Variants in TNRC6C observed in about 807,000 individuals in gnomAD.
TNRC6C encodes trinucleotide repeat-containing gene 6C protein.
TNRC6C carries 20 observed loss-of-function variants against 153.7 expected under a neutral mutation model. That is an observed-to-expected ratio of 0.13 (90% CI 0.09 to 0.19). The LOEUF is 0.19. TNRC6C is among the 10% of genes least tolerant of loss of function. The pLI is 1.00. For missense variants in TNRC6C, 1,987 were observed against 2,172.0 expected, an observed-to-expected ratio of 0.91 and a Z score of 1.69; for synonymous variants, 811 against 841.4, an observed-to-expected ratio of 0.96 and a Z score of 0.63.
intron 3 of TNRC6C, among the ~76,000 whole-genome samples, chr17:78,061,457 A>G (rs954435772): frequency 1.2e-4 from 19 of 152,298 alleles, no homozygotes; most frequent in African/African-American, 4.6e-4. Flanking sequence ...GTCAGATGGT[A>G]CATCCTAGTG....
At chr17:77,958,640 C>A (rs1285851927), upstream of TNRC6C, among the ~76,000 whole-genome samples, 1 of 147,916 alleles carries the variant, frequency 6.8e-6, no homozygotes, top group Non-Finnish European at 1.5e-5. Context: ...GAGGCCAACG[C>A]GGGGCGGGGA....
chr17:78,094,683 G>T (rs151133458), intron 16 of TNRC6C, among the ~76,000 whole-genome samples: 1 of 152,102 alleles, frequency 6.6e-6, no homozygotes, highest in African/African-American at 2.4e-5. Context: ...CAAGTGATCC[G>T]CCTGCTTTGG....
At chr17:78,078,544 C>T (rs1343755218) in intron 9 of TNRC6C, among the ~76,000 whole-genome samples, 2 of 152,172 alleles carry the variant, frequency 1.3e-5, no homozygotes, top group African/African-American at 4.8e-5. Context: ...TAATTTTTAT[C>T]ACATCCTTTT....
intron 2 of TNRC6C, among the ~76,000 whole-genome samples, chr17:78,041,611 G>T (rs2072297295): frequency 6.6e-6 from 1 of 152,062 alleles, no homozygotes; most frequent in Admixed American, 6.5e-5. Flanking sequence ...GAAATGTTTG[G>T]GAGTCTGTCC....
intron 1 of TNRC6C, among the ~76,000 whole-genome samples, chr17:78,006,248 G>A (rs531527960): frequency 6.6e-6 from 1 of 152,322 alleles, no homozygotes; most frequent in East Asian, 1.9e-4. Flanking sequence ...GTCACATGAA[G>A]AGAGGGAGTT....
At chr17:78,018,376 G>T (rs544889228) in intron 1 of TNRC6C, among the ~76,000 whole-genome samples, 1 of 152,164 alleles carries the variant, frequency 6.6e-6, no homozygotes, top group Admixed American at 6.5e-5. Flanking sequence ...GATCCGCCCC[G>T]CCTCGGCCTC....
At chr17:78,013,074 G>A (rs542950854) in intron 1 of TNRC6C, among the ~76,000 whole-genome samples, 1 of 152,108 alleles carries the variant, frequency 6.6e-6, no homozygotes, top group Non-Finnish European at 1.5e-5. Context: ...CCGTCCATCA[G>A]GTCATTAAAA....
chr17:78,091,064 G>C (rs1272754612), intron 13 of TNRC6C, among the ~76,000 whole-genome samples: 1 of 152,184 alleles, frequency 6.6e-6, no homozygotes, highest in East Asian at 1.9e-4. Flanking sequence ...AAAATGAAGA[G>C]AATTGTGGGC....
intron 3 of TNRC6C, 39 bp from the exon 6 acceptor site, chr17:78,064,683 A>C: frequency 4.4e-6 from 7 of 1,589,992 alleles, no homozygotes; most frequent in Non-Finnish European, 6.0e-6. Context: ...TCTCTGATGC[A>C]CTTTCATTAT....
Position 78,086,835 on chromosome 17 carries a change from T to A in TNRC6C, c.3562-18T>A. Reference sequence around the variant, plus strand: ...TCCCTTCCCACCTAGTTAACGCACCTATGTCTCTGCCTGCCAGGTTGCGCG... The same window carrying A: ...TCCCTTCCCACCTAGTTAACGCACCAATGTCTCTGCCTGCCAGGTTGCGCG... On this transcript the variant is annotated intron_variant, in intron 12 of 19. Coordinates refer to ENST00000301624, the Ensembl canonical transcript of TNRC6C. 2 of 1,609,744 alleles carry A rather than the reference T, an allele frequency of 1.2e-6. No homozygotes were observed. Among genetic ancestry groups the A allele is most frequent in the Non-Finnish European group, 1.7e-6 (2 of 1,178,628 alleles).
chr17:78,064,223 A>G (rs760963864), intron 3 of TNRC6C, among the ~76,000 whole-genome samples: 13 of 151,874 alleles, frequency 8.6e-5, no homozygotes, highest in Non-Finnish European at 1.9e-4. Flanking sequence ...AGCCTCCCCA[A>G]TAGCTCGGAT....
chr17:78,048,731 G>T, intron 2 of TNRC6C, 114 bp from the exon 5 acceptor site: 2 of 1,038,124 alleles, frequency 1.9e-6, no homozygotes, highest in Non-Finnish European at 2.5e-6. Context: ...TTTAGTGTTT[G>T]TCATTCAGAT....
chr17:78,096,251 G>A (rs1372230234), intron 16 of TNRC6C, among the ~76,000 whole-genome samples: 3 of 152,088 alleles, frequency 2.0e-5, no homozygotes, highest in African/African-American at 2.4e-5. Context: ...AGCAGACACC[G>A]GGGCCTGCTG....
intron 1 of TNRC6C, among the ~76,000 whole-genome samples, chr17:78,015,678 G>A (rs1482827746): frequency 1.3e-5 from 2 of 152,202 alleles, no homozygotes; most frequent in African/African-American, 2.4e-5. Flanking sequence ...TTGGGAGGCC[G>A]AGGTGGGCGG....
intron 13 of TNRC6C, 29 bp from the exon 16 acceptor site, chr17:78,091,411 G>A: frequency 6.4e-7 from 1 of 1,552,488 alleles, no homozygotes; most frequent in Non-Finnish European, 8.7e-7. Context: ...AGAGGAGCAG[G>A]CGAATCCTAA....
In TNRC6C at chr17:78,064,935, C is replaced by T. The variant is rs1327227726; in HGVS notation, c.2609C>T (p.Pro870Leu). 1.2e-6 allele frequency: 2 copies of T among 1,606,564 alleles called. No homozygotes were observed. Among genetic ancestry groups the T allele is most frequent in the Non-Finnish European group, 8.5e-7 (1 of 1,176,790 alleles). The change falls in exon 4 of 20, where the codon CCA becomes CTA. Residue 870 changes from proline (P) to leucine (L), a missense_variant and splice_region_variant. Pro to Leu is a moderately conservative substitution (Grantham distance 98, BLOSUM62 -3). Transcript: ENST00000301624. Reference sequence around the variant, plus strand: ...GTTGCTGCCTCAGCCCTGTGCAAACCAGGTAAGCCTAGCATCCTGCTTGCC... The same window carrying T: ...GTTGCTGCCTCAGCCCTGTGCAAACTAGGTAAGCCTAGCATCCTGCTTGCC...
chr17:78,038,640 C>G (rs1398664493), intron 2 of TNRC6C, among the ~76,000 whole-genome samples: 1 of 147,054 alleles, frequency 6.8e-6, no homozygotes, highest in Non-Finnish European at 1.5e-5. Context: ...GATGGTGCCA[C>G]TGCACTCCAG....
chr17:77,973,933 C>T (rs1446734876), intron 1 of TNRC6C, among the ~76,000 whole-genome samples: 1 of 151,630 alleles, frequency 6.6e-6, no homozygotes, highest in Non-Finnish European at 1.5e-5. Context: ...AGATTTGATG[C>T]ATCTCTATCA....
rs571460184 is a variant in TNRC6C at position 78,016,905 on chromosome 17, A to G, written c.-546+11826A>G. Among the ~76,000 whole-genome samples the G allele has an allele frequency of 2.0e-5, 3 of 152,298 alleles. No homozygotes were observed. In the South Asian group the frequency reaches 6.2e-4, roughly 32 times the overall value. Reference sequence around the variant, plus strand: ...ATCCCCCCGCCCTTGCCCACATGTTATGGATGGCATGACTGAAGGATGGAG... The same window carrying G: ...ATCCCCCCGCCCTTGCCCACATGTTGTGGATGGCATGACTGAAGGATGGAG... On this transcript the variant is annotated intron_variant, in intron 1 of 19. Transcript: ENST00000301624.
Sources: allele counts gnomAD v4.1 joint callset (sites outside exome capture counted in the v4.1 genomes callset), GRCh38; gene constraint gnomAD v4.1.1; transcripts MANE v1.5; gene names NCBI Gene and HGNC (gene_info 2026-07-23, HGNC 2026-07-21).